The following CDH5 variants were observed in gnomAD, a reference collection of about 807,000 sequenced individuals.
CDH5 encodes cadherin-5.
CDH5 carries 28 observed loss-of-function variants against 62.0 expected under a neutral mutation model. The ratio of observed to expected loss-of-function variants is 0.45; its 90% confidence interval spans 0.33 to 0.62. The LOEUF (loss-of-function observed/expected upper bound fraction) is 0.62, where lower values mean the gene tolerates loss of function less well. CDH5 is among the 20% of genes least tolerant of loss of function. The pLI is 0.02. For missense variants in CDH5, 940 were observed against 1,065.1 expected (o/e 0.88, Z 1.63); for synonymous variants, 464 against 445.8 (o/e 1.04, Z -0.52).
chr16:66,389,603 A>G, intron 5 of CDH5, 81 bp downstream of exon 5: 1 of 1,253,428 alleles, frequency 8.0e-7, no homozygotes, highest in Non-Finnish European at 1.1e-6. Flanking sequence ...GAAAAGAGTT[A>G]CAAATCACTT....
chr16:66,391,232 G>A (rs550882492), intron 6 of CDH5, among the ~76,000 whole-genome samples: 1 of 152,332 alleles, frequency 6.6e-6, no homozygotes, highest in African/African-American at 2.4e-5. Flanking sequence ...GAAACACCAA[G>A]GAGAGGCAGA....
chr16:66,371,116 G>A (rs773827684), intron 1 of CDH5, among the ~76,000 whole-genome samples: 3 of 152,108 alleles, frequency 2.0e-5, no homozygotes, highest in Admixed American at 6.5e-5. Flanking sequence ...CCCCATTCCC[G>A]AGCTCCCAGG....
At chr16:66,401,060 G>C in intron 11 of CDH5, 44 bp downstream of exon 11, 1 of 1,612,242 alleles carries the variant, frequency 6.2e-7, no homozygotes, top group South Asian at 1.1e-5. Flanking sequence ...TGGGTGGAAG[G>C]GGATGGAAGG....
intron 2 of CDH5, among the ~76,000 whole-genome samples, chr16:66,384,279 A>C (rs1960946606): frequency 6.7e-6 from 1 of 149,962 alleles, no homozygotes; most frequent in Admixed American, 6.6e-5. Context: ...TTTTTAATAG[A>C]GATGGGGTTT....
chr16:66,400,377 T>C (rs2880989), intron 10 of CDH5, among the ~76,000 whole-genome samples: 58,488 of 152,112 alleles, frequency 0.38, 11,542 homozygotes, highest in East Asian at 0.52. Flanking sequence ...AAAGACTTTT[T>C]AAAACTTTAT....
chr16:66,368,948 C>T (rs1025104576), intron 1 of CDH5, among the ~76,000 whole-genome samples: 1 of 152,212 alleles, frequency 6.6e-6, no homozygotes, highest in Admixed American at 6.5e-5. Flanking sequence ...ACTAAAAAGT[C>T]TGTCCTGATC....
intron 2 of CDH5, among the ~76,000 whole-genome samples, chr16:66,382,803 G>A (rs948061339): frequency 7.2e-5 from 11 of 152,332 alleles, no homozygotes; most frequent in African/African-American, 2.6e-4. Context: ...GGCTCCTGAG[G>A]ATGTAATCTG....
At chr16:66,384,392 C>T (rs528711557) in intron 2 of CDH5, among the ~76,000 whole-genome samples, 9 of 151,764 alleles carry the variant, frequency 5.9e-5, no homozygotes, top group East Asian at 2.0e-4. Flanking sequence ...CCATGCCCCC[C>T]GAGTCCAGCC....
chr16:66,369,298 A>C (rs1960642522), intron 1 of CDH5, among the ~76,000 whole-genome samples: 1 of 152,176 alleles, frequency 6.6e-6, no homozygotes, highest in Non-Finnish European at 1.5e-5. Context: ...AAATGAGGTC[A>C]AGCGTAAGTT....
At chr16:66,402,466 CG>C (rs1194526543) in intron 11 of CDH5, among the ~76,000 whole-genome samples, 185 bp from the exon 12 acceptor site, 1 of 85,354 alleles carries the variant, frequency 1.2e-5, no homozygotes, top group East Asian at 4.9e-4. Flanking sequence ...GGGGGAACGG[CG>C]GGGATGGGGT....
chr16:66,373,258 ACC>A (rs1960724800), intron 1 of CDH5, among the ~76,000 whole-genome samples: 1 of 152,106 alleles, frequency 6.6e-6, no homozygotes, highest in Non-Finnish European at 1.5e-5. Flanking sequence ...AAGGGCTATG[ACC>A]ACATCTCCAG....
chr16:66,367,290 GCCC>G (rs976655818), intron 1 of CDH5, among the ~76,000 whole-genome samples: 39 of 152,334 alleles, frequency 2.6e-4, no homozygotes, highest in African/African-American at 9.1e-4. Flanking sequence ...GTCAGCCAGT[GCCC>G]CCATTTCAGG....
intron 8 of CDH5, among the ~76,000 whole-genome samples, chr16:66,397,627 C>T (rs987438754): frequency 6.6e-6 from 1 of 152,162 alleles, no homozygotes; most frequent in Non-Finnish European, 1.5e-5. Flanking sequence ...CCCAATCTCA[C>T]TTAGGTTGTT....
At chr16:66,376,457 T>C (rs1381944753) in intron 1 of CDH5, 1 of 152,130 alleles carries the variant, frequency 6.6e-6, no homozygotes, top group African/African-American at 2.4e-5. Flanking sequence ...CCGCTCACTG[T>C]ATTAGAGATG....
intron 2 of CDH5, among the ~76,000 whole-genome samples, chr16:66,383,159 A>T (rs895060020): frequency 2.6e-5 from 4 of 152,182 alleles, no homozygotes; most frequent in African/African-American, 9.7e-5. Context: ...TTAAAGAAAC[A>T]TGACACCTCT....
chr16:66,379,248 G>A (rs950218982), intron 1 of CDH5, 71 bp from the exon 2 acceptor site: 6 of 1,139,868 alleles, frequency 5.3e-6, no homozygotes, highest in East Asian at 4.7e-5. Flanking sequence ...GCTCTTATGT[G>A]AAATACCTGT....
chr16:66,386,734 C>A, intron 2 of CDH5, 75 bp from the exon 3 acceptor site: 1 of 1,339,306 alleles, frequency 7.5e-7, no homozygotes, highest in Non-Finnish European at 1.0e-6. Context: ...CACCTGTGTA[C>A]ACACACTCTC....
At chr16:66,391,409 C>T (rs901609511) in intron 6 of CDH5, among the ~76,000 whole-genome samples, 21 of 151,964 alleles carry the variant, frequency 1.4e-4, no homozygotes, top group African/African-American at 5.1e-4. Context: ...TGCTTGGCTT[C>T]CTGAGGGATG....
intron 2 of CDH5, among the ~76,000 whole-genome samples, chr16:66,386,142 A>T (rs1330310300): frequency 6.6e-6 from 1 of 152,082 alleles, no homozygotes; most frequent in Non-Finnish European, 1.5e-5. Flanking sequence ...CACCAGGTAT[A>T]TTTTTTCCAC....
Sources: allele counts gnomAD v4.1 joint callset (sites outside exome capture counted in the v4.1 genomes callset), GRCh38; gene constraint gnomAD v4.1.1; transcripts MANE v1.5; gene names NCBI Gene and HGNC (gene_info 2026-07-23, HGNC 2026-07-21).